Variants in NEBL observed in about 807,000 individuals in gnomAD.
NEBL encodes the protein LIM and SH3 protein 2.
A neutral mutation model predicts 140.2 loss-of-function variants in NEBL; 122 were observed. The ratio of observed to expected loss-of-function variants is 0.87; its 90% CI spans 0.75 to 1.01. The LOEUF (loss-of-function observed/expected upper bound fraction) is 1.01. Among genes scored for constraint, NEBL ranks in the 50% least tolerant of loss-of-function variants. The pLI, the probability that NEBL is intolerant of heterozygous loss-of-function variation, is 0.00. For synonymous variants in NEBL, 436 were observed against 398.9 expected (o/e 1.09, Z -1.11); for missense variants, 1,365 against 1,231.3 (o/e 1.11, Z -1.62).
intron 26 of NEBL, among the ~76,000 whole-genome samples, chr10:20,802,619 G>C (rs985015452): frequency 6.6e-6 from 1 of 152,162 alleles, no homozygotes; most frequent in African/African-American, 2.4e-5. Context: ...AAATGATGAT[G>C]AAAACTTAAA....
chr10:20,921,421 G>A (rs148498924), intron 4 of NEBL, among the ~76,000 whole-genome samples: 9 of 152,234 alleles, frequency 5.9e-5, no homozygotes, highest in Non-Finnish European at 1.0e-4. Context: ...AGGCAGGAAC[G>A]GGAGATCAGA....
At chr10:20,989,187 C>T (rs977612138) in intron 3 of NEBL, among the ~76,000 whole-genome samples, 12 of 152,274 alleles carry the variant, frequency 7.9e-5, no homozygotes, top group African/African-American at 2.9e-4. Context: ...GAGATGGGTA[C>T]ATATTAAGTA....
chr10:20,872,670 T>G (rs1307774407), intron 5 of NEBL, among the ~76,000 whole-genome samples: 1 of 152,102 alleles, frequency 6.6e-6, no homozygotes, highest in African/African-American at 2.4e-5. Flanking sequence ...AAAAGATACA[T>G]GTCATAAAGA....
chr10:21,211,690 G>C (rs1202970031), intron 3 of NEBL, among the ~76,000 whole-genome samples: 1 of 152,172 alleles, frequency 6.6e-6, no homozygotes, highest in African/African-American at 2.4e-5. Context: ...AAACCCGTCT[G>C]AGTCCTTTTG....
rs142850200 is a variant in NEBL, at chr10:20,809,130, A to C, written c.2612-471T>G. On this transcript the variant is annotated intron_variant, in intron 25 of 27. Coordinates refer to ENST00000377122, the MANE Select transcript of NEBL (RefSeq NM_006393.3). The stretch of plus-strand genomic sequence containing the variant: ...GGGTATTCAATTCTATTCACATCAA[A>C]AATTAAATATAGAGTAGAAATCAGG... 7.1e-3 allele frequency among the ~76,000 whole-genome samples: 1,074 copies of C among 152,316 alleles called. 17 individuals carry two copies. In the East Asian group the frequency reaches 0.079, roughly 11 times the overall value.
chr10:20,970,562 T>C (rs983159488), intron 3 of NEBL, among the ~76,000 whole-genome samples: 1 of 152,018 alleles, frequency 6.6e-6, no homozygotes, highest in East Asian at 1.9e-4. Context: ...GGTGTGAGGA[T>C]TGCTTGAGCC....
intron 2 of NEBL, among the ~76,000 whole-genome samples, chr10:21,157,277 A>T (rs1317744777): frequency 6.6e-6 from 1 of 152,204 alleles, no homozygotes; most frequent in Non-Finnish European, 1.5e-5. Context: ...ACAAAAAATT[A>T]ACAGCATTTA....
rs564174814 is a variant in NEBL, at chr10:20,954,966, C to T, written c.357+6706G>A. Among the ~76,000 whole-genome samples, 294 of 152,296 alleles carry T rather than the reference C, an allele frequency of 1.9e-3. 1 individual carries two copies. Among genetic ancestry groups the T allele is most frequent in the African/African-American group, 5.0e-3 (208 of 41,556 alleles). The stretch of plus-strand genomic sequence containing the variant: ...CTAAGCCAGGGACAGCCTCACATTC[C>T]AGGCAAAAGATTTTACATTTTATCC... On this transcript the variant is annotated intron_variant, in intron 4 of 6. Coordinates refer to the NEBL transcript ENST00000417816.
chr10:20,980,938 T>C (rs890384503), intron 3 of NEBL, among the ~76,000 whole-genome samples: 1 of 151,900 alleles, frequency 6.6e-6, no homozygotes, highest in Non-Finnish European at 1.5e-5. Flanking sequence ...AGTCTCAGAG[T>C]CTCATCTAAC....
chr10:21,113,213 C>A, intron 2 of NEBL: 3 of 296,010 alleles, frequency 1.0e-5, no homozygotes, highest in South Asian at 3.3e-5. Context: ...ATGCTCCAGC[C>A]AAAAATGCAC....
At position 21,156,599 on chromosome 10, in the gene NEBL, C is replaced by CT. The variant is rs926417250; in HGVS notation, c.164+15783dup. Among the ~76,000 whole-genome samples, 153 of 143,780 alleles carry CT rather than the reference C, an allele frequency of 1.1e-3. 3 individuals carry two copies. The highest frequency in any genetic ancestry group is 4.8e-3 in the East Asian group (24 of 4,996). The allele number at this position is 143,780 out of a possible 152,430, so 94.3% of individuals were successfully genotyped here. On this transcript the variant is annotated intron_variant, in intron 2 of 6. Coordinates refer to the NEBL transcript ENST00000417816. ...AGGACATAACTATGCTGCCTTCGTGCTTTTTTTTTTTAGGAGCCCATTACT... is the reference window on the plus strand; with the variant it reads ...AGGACATAACTATGCTGCCTTCGTGCTTTTTTTTTTTTAGGAGCCCATTACT...
intron 4 of NEBL, among the ~76,000 whole-genome samples, chr10:20,914,634 T>C (rs1476396811): frequency 1.3e-5 from 2 of 152,206 alleles, no homozygotes; most frequent in Admixed American, 6.5e-5. Flanking sequence ...TCCATTTATA[T>C]TTTCCAGGTT....
chr10:20,845,397 G>A (rs1841819538), intron 11 of NEBL, 29 bp from the exon 12 acceptor site: 4 of 1,328,750 alleles, frequency 3.0e-6, no homozygotes, highest in East Asian at 4.6e-5. Flanking sequence ...TAATTTTAAA[G>A]TTAGCAAATA....
At chr10:20,870,563 T>C (rs1230923120) in intron 5 of NEBL, among the ~76,000 whole-genome samples, 1 of 152,112 alleles carries the variant, frequency 6.6e-6, no homozygotes, top group Admixed American at 6.6e-5. Flanking sequence ...CACAAGAATA[T>C]TGCAAATTAT....
At chr10:20,939,089 A>C (rs1052736345) in intron 4 of NEBL, among the ~76,000 whole-genome samples, 1 of 152,162 alleles carries the variant, frequency 6.6e-6, no homozygotes, top group Non-Finnish European at 1.5e-5. Flanking sequence ...TACAGAGAAC[A>C]CCACAAAGAT....
intron 3 of NEBL, among the ~76,000 whole-genome samples, chr10:20,999,198 G>A (rs914150641): frequency 1.3e-5 from 2 of 151,186 alleles, no homozygotes. Flanking sequence ...GAAGAAAGGC[G>A]TACTCTCTGA....
chr10:21,160,664 G>C (rs1840522262), intron 2 of NEBL, among the ~76,000 whole-genome samples: 1 of 151,850 alleles, frequency 6.6e-6, no homozygotes, highest in South Asian at 2.1e-4. Context: ...TGGGTTGGGG[G>C]AGAAGCACTG....
chr10:20,893,158 C>A (rs917001740), intron 2 of NEBL, among the ~76,000 whole-genome samples: 1 of 152,192 alleles, frequency 6.6e-6, no homozygotes, highest in Non-Finnish European at 1.5e-5. Flanking sequence ...GCAGAAGGCT[C>A]TTTCTGCCTA....
At chr10:20,939,844 T>C (rs1167485467) in intron 4 of NEBL, among the ~76,000 whole-genome samples, 2 of 152,136 alleles carry the variant, frequency 1.3e-5, no homozygotes, top group Admixed American at 6.5e-5. Context: ...AAGAAGGCCA[T>C]TACATAATGG....
Sources: allele counts gnomAD v4.1 joint callset (sites outside exome capture counted in the v4.1 genomes callset), GRCh38; gene constraint gnomAD v4.1.1; transcripts MANE v1.5; gene names NCBI Gene and HGNC (gene_info 2026-07-23, HGNC 2026-07-21).